The following HDLBP variants were observed in gnomAD, a reference collection of about 807,000 sequenced individuals.
The protein encoded by HDLBP is vigilin.
Under a neutral mutation model 137.3 loss-of-function variants are expected in HDLBP, and 30 were observed. The observed-to-expected ratio is 0.22, with a 90% CI of 0.16 to 0.30. The LOEUF (loss-of-function observed/expected upper bound fraction) is 0.30. HDLBP is among the 10% of genes least tolerant of loss of function. The pLI, the probability that HDLBP is intolerant of heterozygous loss-of-function variation, is 1.00. For synonymous variants in HDLBP, 606 were observed against 596.0 expected, an observed-to-expected ratio of 1.02 and a Z score of -0.24; for missense variants, 1,119 against 1,667.3, an observed-to-expected ratio of 0.67 and a Z score of 5.73.
intron 16 of HDLBP, among the ~76,000 whole-genome samples, chr2:241,246,364 G>C (rs1001714131): frequency 6.6e-6 from 1 of 152,066 alleles, no homozygotes; most frequent in Non-Finnish European, 1.5e-5. Flanking sequence ...GTGATGGTGG[G>C]AATGATTCCA....
chr2:241,255,650 T>C, intron 7 of HDLBP, 70 bp from the exon 8 acceptor site: 3 of 1,262,822 alleles, frequency 2.4e-6, no homozygotes, highest in Non-Finnish European at 3.5e-6. Flanking sequence ...GCATGGCCAC[T>C]GCTGCAGAAA....
chr2:241,294,041 A>C (rs62186406), intron 1 of HDLBP, among the ~76,000 whole-genome samples: 4 of 152,080 alleles, frequency 2.6e-5, no homozygotes, highest in African/African-American at 7.2e-5. Flanking sequence ...AAAAGAAAAG[A>C]ACACACACCC....
rs761965489 is a variant in HDLBP at position 241,242,774 on chromosome 2, C to T, written c.1951-96G>A. On this transcript the variant is annotated intron_variant, in intron 16 of 27. Coordinates refer to ENST00000310931, the MANE Select transcript of HDLBP (RefSeq NM_005336.6). ...CTATCATCTTTGGTGGTGATGAACACGCAGGCCTAGAGCCCTGGAGATGCC... is the reference window on the plus strand; with the variant it reads ...CTATCATCTTTGGTGGTGATGAACATGCAGGCCTAGAGCCCTGGAGATGCC... The T allele has an allele frequency of 4.0e-4, 446 of 1,101,462 alleles. 2 individuals are homozygous for T. Among genetic ancestry groups the T allele is most frequent in the Non-Finnish European group, 5.3e-4 (392 of 744,354 alleles). 68.2% of individuals were successfully genotyped at this position (1,101,462 alleles called of 1,614,324 possible). A position where few individuals can be genotyped will look rare whatever the true frequency, so the allele number is the denominator to read the frequency against.
rs568985466 is a variant in HDLBP, at chr2:241,233,835, C to T, written c.3273G>A (p.Lys1091=). Residue 1091 remains lysine, a synonymous_variant, in exon 24 of 28, where the codon AAG becomes AAA. Transcript: ENST00000310931. The surrounding 1 kb of genome is among the most constrained non-coding windows in gnomAD (Gnocchi z 4.3). ...AGGCTCTCACCTGGTTCCCATCGTC[C>T]TTATCAGGAAACTGGATGTTCACGT... ...EHDVNIQFPD[K]DDGNQPQDQI... The T allele has an allele frequency of 3.6e-5, 58 of 1,614,036 alleles. No individual in the cohort carries two copies. Among genetic ancestry groups the T allele is most frequent in the Non-Finnish European group, 4.8e-5 (57 of 1,180,036 alleles).
chr2:241,229,848 G>A lies in HDLBP; in HGVS notation c.3705C>T (p.Ala1235=). The A allele has an allele frequency of 6.3e-7, 1 of 1,576,640 alleles. No homozygotes were observed. The highest frequency in any genetic ancestry group is 1.2e-5 in the South Asian group (1 of 86,798). Residue 1235 remains alanine (A), a synonymous_variant, in exon 27 of 28, where the codon GCC becomes GCT. Transcript: ENST00000310931. Reference sequence around the variant, plus strand: ...CGCATCTGACCTTCTCACTGCTGCTGGCGGTCCAGGGTGCGTCCCGCACCA... The same window carrying A: ...CGCATCTGACCTTCTCACTGCTGCTAGCGGTCCAGGGTGCGTCCCGCACCA... ...GFVVRDAPWT[A]SSSEKAPDMS...
In HDLBP at chr2:241,238,782, A is replaced by T. The variant is rs2149385900; in HGVS notation, c.2616T>A (p.Ala872=). The T allele has an allele frequency of 2.7e-6, 4 of 1,503,734 alleles. No individual in the cohort carries two copies. Among genetic ancestry groups the T allele is most frequent in the Non-Finnish European group, 3.6e-6 (4 of 1,115,428 alleles). The allele number at this position is 1,503,734 out of a possible 1,614,324, so 93.1% of individuals were successfully genotyped here. Residue 872 remains alanine (A), a synonymous_variant, in exon 20 of 28, where the codon GCT becomes GCA. Transcript: ENST00000310931. This position sits in a 1 kb window ranked among gnomAD's most constrained non-coding sequence, Gnocchi z 4.9. The part of the protein sequence containing the change: ...RIQEIIEDLE[A]QVTLECAIPQ... The stretch of plus-strand genomic sequence containing the variant: ...GTATAGCACATTCTAATGTCACCTG[A>T]GCTTCCTGGAGGGAGGTACACAAAG...
chr2:241,306,160 T>C (rs893076645), intron 1 of HDLBP, among the ~76,000 whole-genome samples: 2 of 152,014 alleles, frequency 1.3e-5, no homozygotes, highest in African/African-American at 4.8e-5. Flanking sequence ...CCAAGTGTTA[T>C]CCTTCCAAAC....
rs1382702615 is a variant in HDLBP at position 241,240,655 on chromosome 2, G to GGCTCAA, written c.2170-539_2170-534dup. 1.3e-5 allele frequency among the ~76,000 whole-genome samples: 2 copies of GGCTCAA among 152,128 alleles called. No homozygotes were observed. The highest frequency in any genetic ancestry group is 2.1e-4 in the South Asian group (1 of 4,822). ...CCTCCACAAAACCAGCCACTCCCCA[G>GGCTCAA]GCTCAAGCTCAAGCTCAGAGGGACA... On this transcript the variant is annotated intron_variant, in intron 17 of 27. Transcript: ENST00000310931. The surrounding 1 kb of genome is among the most constrained non-coding windows in gnomAD (Gnocchi z 5.5).
chr2:241,272,450 G>C lies in HDLBP; in HGVS notation c.-102-3909C>G. ...CCCCGGGAGGAGGCGGGGGAGCCCA[G>C]CTTGCAGCCAAGAGCGGCCCAGCGG... On this transcript the variant is annotated intron_variant, in intron 1 of 27. Coordinates refer to ENST00000310931, the MANE Select transcript of HDLBP (RefSeq NM_005336.6). The surrounding 1 kb of genome is among the most constrained non-coding windows in gnomAD (Gnocchi z 5.6). 1.0e-6 allele frequency: 1 copy of C among 984,744 alleles called. No homozygotes were observed. The highest frequency in any genetic ancestry group is 1.2e-6 in the Non-Finnish European group (1 of 829,700). The allele number at this position is 984,744 out of a possible 1,614,324, so 61.0% of individuals were successfully genotyped here.
intron 11 of HDLBP, chr2:241,250,225 C>A (rs573066457): frequency 4.8e-5 from 18 of 373,210 alleles, no homozygotes; most frequent in Admixed American, 2.2e-4. Flanking sequence ...CTGGAAATGC[C>A]CCGAGACCTT....
intron 1 of HDLBP, chr2:241,271,023 G>A: frequency 1.0e-6 from 1 of 985,340 alleles, no homozygotes; most frequent in Non-Finnish European, 1.2e-6. Flanking sequence ...GTCCACCCCT[G>A]CATGGCTGTA....
chr2:241,285,876 A>T (rs1230192851), intron 1 of HDLBP, among the ~76,000 whole-genome samples: 4 of 152,184 alleles, frequency 2.6e-5, no homozygotes, highest in Non-Finnish European at 2.9e-5. Flanking sequence ...AAAAAATAAA[A>T]AATAAAAACA....
chr2:241,263,006 A>G (rs1205210269), intron 4 of HDLBP, 80 bp from the exon 5 acceptor site: 2 of 1,084,092 alleles, frequency 1.8e-6, no homozygotes, highest in East Asian at 4.9e-5. Context: ...ACATGTGTTC[A>G]TCACCATCCA....
At chr2:241,302,766 A>G (rs77807882) in intron 1 of HDLBP, 24,054 of 152,184 alleles carry the variant, frequency 0.16, 2,088 homozygotes, top group Middle Eastern at 0.28. Flanking sequence ...GAGTCTCCAC[A>G]TGTAAATCTC....
In HDLBP at chr2:241,239,552, G is replaced by T; in HGVS notation, c.2610+50C>A. 1 of 1,477,924 alleles carries T rather than the reference G, an allele frequency of 6.8e-7. No homozygotes were observed. The highest frequency in any genetic ancestry group is 9.4e-7 in the Non-Finnish European group (1 of 1,059,110). 91.6% of individuals were successfully genotyped at this position (1,477,924 alleles called of 1,614,324 possible). ...GCGAACACTCATACACGGCTTCGGT[G>T]AGTGGCCACTGGGGGGTGAGAACCC... On this transcript the variant is annotated intron_variant, in intron 19 of 27. Coordinates refer to ENST00000310931, the MANE Select transcript of HDLBP (RefSeq NM_005336.6). This position sits in a 1 kb window ranked among gnomAD's most constrained non-coding sequence, Gnocchi z 4.6.
intron 1 of HDLBP, among the ~76,000 whole-genome samples, chr2:241,303,768 C>T (rs546458976): frequency 6.6e-6 from 1 of 152,240 alleles, no homozygotes; most frequent in South Asian, 2.1e-4. Flanking sequence ...TCTGGCAGCC[C>T]GTTATAATTC....
At position 241,242,499 on chromosome 2, in the gene HDLBP, C is replaced by T; in HGVS notation, c.2130G>A (p.Glu710=). Reference sequence around the variant, plus strand: ...GATGCAGGAGCTGCTTCTTGGCCTTCTCCACATCCGAGGAAGGGCCCCTGA... The same window carrying T: ...GATGCAGGAGCTGCTTCTTGGCCTTTTCCACATCCGAGGAAGGGCCCCTGA... ...VVIRGPSSDV[E]KAKKQLLHLA... The change falls in exon 17 of 28, where the codon GAG becomes GAA. Residue 710 remains glutamate (E), a synonymous_variant. Transcript: ENST00000310931. 6.2e-7 allele frequency: 1 copy of T among 1,614,214 alleles called. No individual in the cohort carries two copies. Among genetic ancestry groups the T allele is most frequent in the East Asian group, 2.2e-5 (1 of 44,876 alleles).
At chr2:241,231,324 C>G (rs2069718157) in intron 24 of HDLBP, 1 of 160,462 alleles carries the variant, frequency 6.2e-6, no homozygotes, top group African/African-American at 2.4e-5. Flanking sequence ...GCGGAGGTTG[C>G]TGTGAGCCGA....
At chr2:241,268,418 C>T (rs1431107089) in intron 2 of HDLBP, 59 bp downstream of exon 2, 10 of 967,626 alleles carry the variant, frequency 1.0e-5, no homozygotes, top group Admixed American at 6.2e-5. Context: ...CGCATCCCTG[C>T]GCCCCCAGGT....
Sources: allele counts gnomAD v4.1 joint callset (sites outside exome capture counted in the v4.1 genomes callset), GRCh38; gene constraint gnomAD v4.1.1; non-coding constraint Gnocchi (gnomAD v3.1); transcripts MANE v1.5; gene names NCBI Gene and HGNC (gene_info 2026-07-23, HGNC 2026-07-21).